SPIC: variants seen among roughly 807,000 people sequenced by gnomAD.
The protein encoded by SPIC is Spi-C transcription factor.
In SPIC, 9 loss-of-function variants were observed where a neutral mutation model predicts 16.7. The ratio of observed to expected loss-of-function variants is 0.54; its 90% CI spans 0.33 to 0.94. The LOEUF is 0.94. Among genes scored for constraint, SPIC ranks in the 40% least tolerant of loss-of-function variants. The pLI is 0.03. For missense variants in SPIC, 241 were observed against 285.8 expected, an observed-to-expected ratio of 0.84 and a Z score of 1.13; for synonymous variants, 97 against 102.9, an observed-to-expected ratio of 0.94 and a Z score of 0.35.
At position 101,486,459 on chromosome 12, in the gene SPIC, A is replaced by G; in HGVS notation, c.435A>G (p.Lys145=). 7.4e-6 allele frequency: 12 copies of G among 1,614,212 alleles called. No individual in the cohort carries two copies. The highest frequency in any genetic ancestry group is 9.3e-6 in the Non-Finnish European group (11 of 1,180,048). Residue 145 remains lysine, a synonymous_variant, in exon 6 of 6, where the codon AAA becomes AAG. Transcript: ENST00000551346. The stretch of plus-strand genomic sequence containing the variant: ...AAGGCATCTTTCAGTTTGTATCAAA[A>G]AACAAAGAAAAACTTGCCGAGCTTT... ...KTKGIFQFVS[K]NKEKLAELWG... is the part of the protein sequence containing the mutation.
intron 3 of SPIC, among the ~76,000 whole-genome samples, chr12:101,478,442 T>G (rs1245446090): frequency 6.6e-6 from 1 of 152,124 alleles, no homozygotes; most frequent in Non-Finnish European, 1.5e-5. Flanking sequence ...CGAGATCATT[T>G]TTACCTGAAG....
chr12:101,481,771 C>T (rs1261054197), intron 4 of SPIC, among the ~76,000 whole-genome samples: 2 of 151,416 alleles, frequency 1.3e-5, no homozygotes, highest in Non-Finnish European at 2.9e-5. Context: ...ACCTCGGCCT[C>T]CCAAAGTGTT....
At chr12:101,486,126 A>G (rs1873357985) in intron 5 of SPIC, among the ~76,000 whole-genome samples, 2 of 152,188 alleles carry the variant, frequency 1.3e-5, no homozygotes, top group African/African-American at 4.8e-5. Flanking sequence ...CAACTTCTCC[A>G]ACAAAGAAAG....
intron 4 of SPIC, among the ~76,000 whole-genome samples, chr12:101,482,185 T>C (rs1322456524): frequency 1.3e-5 from 2 of 149,522 alleles, no homozygotes; most frequent in Non-Finnish European, 3.0e-5. Flanking sequence ...TGAGCCAAGA[T>C]CGCGCCATTG....
At position 101,482,779 on chromosome 12, in the gene SPIC, A is replaced by T; in HGVS notation, c.211-13A>T. On this transcript the variant is annotated splice_polypyrimidine_tract_variant and intron_variant, in intron 4 of 5. Coordinates refer to ENST00000551346, the MANE Select transcript of SPIC (RefSeq NM_152323.3). ...AAAGTCTCACTTAACATCCTGCTTC[A>T]TTATTTATATAGAACAGTGCTGCGG... The T allele has an allele frequency of 6.3e-7, 1 of 1,598,116 alleles. No homozygotes were observed.
rs7485927 is a variant in SPIC at position 101,479,286 on chromosome 12, A to G, written c.98-296A>G. 8.2e-4 allele frequency among the ~76,000 whole-genome samples: 36 copies of G among 43,762 alleles called. 2 individuals carry two copies. Among genetic ancestry groups the G allele is most frequent in the African/African-American group, 4.4e-3 (29 of 6,554 alleles). The allele number at this position is 43,762 out of a possible 152,430, so 28.7% of individuals were successfully genotyped here. The stretch of plus-strand genomic sequence containing the variant: ...GGAAAGAAAGAAAGAAAGAAAGAAA[A>G]AGAAAGAAAGAAAGAAAGAAAAAAG... On this transcript the variant is annotated intron_variant, in intron 3 of 5. Coordinates refer to ENST00000551346, the MANE Select transcript of SPIC (RefSeq NM_152323.3).
intron 3 of SPIC, among the ~76,000 whole-genome samples, chr12:101,479,343 G>GAAAT (rs1873112641): frequency 6.7e-6 from 1 of 149,852 alleles, no homozygotes. Flanking sequence ...AAGAAAGAAA[G>GAAAT]AAAGAAAGAA....
At chr12:101,479,223 G>GAAAGAAAGAAAGAAGGAAA in intron 3 of SPIC, among the ~76,000 whole-genome samples, 1 of 42,448 alleles carries the variant, frequency 2.4e-5, no homozygotes, top group East Asian at 6.1e-4. Context: ...AAAGAAAGAA[G>GAAAGAAAGAAAGAAGGAAA]GAAAGAAAGA....
chr12:101,479,238 AAGAAAAAGAAAGAAAGAAGGAAGG>A (rs1565831171), intron 3 of SPIC, among the ~76,000 whole-genome samples: 16 of 110,106 alleles, frequency 1.5e-4, no homozygotes, highest in African/African-American at 1.8e-4. Context: ...GAAAGAAAGA[AAGAAAAAGAAAGAAAGAAGGAAGG>A]AAAGAAAGAA....
chr12:101,480,880 T>C (rs1160763424), intron 4 of SPIC, among the ~76,000 whole-genome samples: 2 of 152,218 alleles, frequency 1.3e-5, no homozygotes, highest in African/African-American at 2.4e-5. Context: ...CAGCTTAACC[T>C]CTTCCACCTC....
chr12:101,484,187 C>T (rs1873293835), intron 5 of SPIC, among the ~76,000 whole-genome samples: 1 of 149,626 alleles, frequency 6.7e-6, no homozygotes, highest in Admixed American at 6.8e-5. Flanking sequence ...TATGCATATC[C>T]TTTGAAATTA....
chr12:101,484,170 A>G (rs1475108059), intron 5 of SPIC, among the ~76,000 whole-genome samples: 2 of 149,078 alleles, frequency 1.3e-5, no homozygotes, highest in Non-Finnish European at 3.0e-5. Context: ...TTTCACATAT[A>G]CAAGTATATG....
Position 101,479,230 on chromosome 12 carries a change from AAG to A in SPIC, c.98-350_98-349del, listed in dbSNP as rs1491295541. On this transcript the variant is annotated intron_variant, in intron 3 of 5. Transcript: ENST00000551346. ...AAAGAAAGAAAGAAAGAAGGAAAGA[AAG>A]AAAGAAAGAAAAAGAAAGAAAGAAG... Among the ~76,000 whole-genome samples, 505 of 120,296 alleles carry A rather than the reference AAG, an allele frequency of 4.2e-3. 23 individuals are homozygous for A. Among genetic ancestry groups the A allele is most frequent in the South Asian group, 0.021 (73 of 3,514 alleles). 78.9% of individuals were successfully genotyped at this position (120,296 alleles called of 152,430 possible). A position where few individuals can be genotyped will look rare whatever the true frequency, so the allele number is the denominator to read the frequency against.
At chr12:101,477,696 C>A (rs2121240945) in intron 3 of SPIC, 45 bp downstream of exon 3, 2 of 1,508,202 alleles carry the variant, frequency 1.3e-6, no homozygotes, top group Non-Finnish European at 1.8e-6. Context: ...CATCAAATGG[C>A]TTGTTGGTCA....
chr12:101,484,847 G>A (rs550401842), intron 5 of SPIC, among the ~76,000 whole-genome samples: 158 of 151,668 alleles, frequency 1.0e-3, no homozygotes, highest in African/African-American at 3.6e-3. Context: ...CAGCCTGGGC[G>A]ACAGAGCGAG....
At chr12:101,482,421 C>A (rs1277446142) in intron 4 of SPIC, among the ~76,000 whole-genome samples, 1 of 152,040 alleles carries the variant, frequency 6.6e-6, no homozygotes, top group Non-Finnish European at 1.5e-5. Context: ...TTTATTTTAT[C>A]TTCCCAGCTG....
intron 3 of SPIC, among the ~76,000 whole-genome samples, chr12:101,478,219 G>C (rs749519090): frequency 6.6e-6 from 1 of 151,960 alleles, no homozygotes; most frequent in East Asian, 2.0e-4. Context: ...TTTTAGTAGA[G>C]ACGGGGTTTC....
intron 4 of SPIC, 143 bp from the exon 5 acceptor site, chr12:101,482,649 A>T: frequency 2.8e-6 from 2 of 704,968 alleles, no homozygotes; most frequent in Admixed American, 4.9e-5. Context: ...CTGCCCTGGG[A>T]GCTATCTGGC....
At chr12:101,476,940 G>C (rs1170654857) in intron 2 of SPIC, 33 bp downstream of exon 2, 1 of 1,403,776 alleles carries the variant, frequency 7.1e-7, no homozygotes, top group Non-Finnish European at 9.5e-7. Context: ...TCTTTACTCT[G>C]TCCACAGAGG....
Sources: gnomAD v4.1 joint callset for allele counts (sites outside exome capture counted in the v4.1 genomes callset) on GRCh38, gnomAD v4.1.1 for gene constraint, MANE v1.5 for transcripts, NCBI Gene and HGNC (gene_info 2026-07-23, HGNC 2026-07-21) for gene names.